SLC9A1: variants seen among roughly 807,000 people sequenced by gnomAD.
The protein encoded by SLC9A1 is solute carrier family 9 member A1, also known as sodium/hydrogen exchanger 1.
Under a neutral mutation model 67.9 loss-of-function variants are expected in SLC9A1, and 22 were observed. The ratio of observed to expected loss-of-function variants is 0.32; its 90% CI spans 0.23 to 0.46. SLC9A1 has a LOEUF of 0.46. SLC9A1 is among the 20% of genes least tolerant of loss of function. The pLI is 1.00. For missense variants in SLC9A1, 686 were observed against 1,094.8 expected, an observed-to-expected ratio of 0.63 and a Z score of 5.27; for synonymous variants, 421 against 471.8, an observed-to-expected ratio of 0.89 and a Z score of 1.40.
rs201465957 is a variant in SLC9A1, at chr1:27,147,706, C to CAG, written c.352+6276_352+6277insCT. The stretch of plus-strand genomic sequence containing the variant: ...AGTATCTATATTATCAATTAGAAAA[C>CAG]GGGCTCAGGCCAGGAGCAGTGGCTT... On this transcript the variant is annotated intron_variant, in intron 1 of 11. Coordinates refer to ENST00000263980, the MANE Select transcript of SLC9A1 (RefSeq NM_003047.5). Among the ~76,000 whole-genome samples, 687 of 152,180 alleles carry CAG rather than the reference C, an allele frequency of 4.5e-3. 5 individuals carry two copies. Among genetic ancestry groups the CAG allele is most frequent in the African/African-American group, 0.016 (652 of 41,520 alleles).
In SLC9A1 at chr1:27,107,784, G is replaced by A. The variant is rs1435769562; in HGVS notation, c.1146C>T (p.Phe382=). 1.2e-6 allele frequency: 2 copies of A among 1,608,908 alleles called. No individual in the cohort carries two copies. The change falls in exon 4 of 12, where the codon TTC becomes TTT. Residue 382 remains phenylalanine, a synonymous_variant. Coordinates refer to ENST00000263980, the MANE Select transcript of SLC9A1 (RefSeq NM_003047.5). ...CGCTGACGCTGCTCCACATCTTCAGGAAGTATTTGATGGTGGTGTGGGACT... is the reference window on the plus strand; with the variant it reads ...CGCTGACGCTGCTCCACATCTTCAGAAAGTATTTGATGGTGGTGTGGGACT... ...SHKSHTTIKY[F]LKMWSSVSET...
At chr1:27,104,476 C>A (rs542375213) in intron 5 of SLC9A1, among the ~76,000 whole-genome samples, 1 of 152,198 alleles carries the variant, frequency 6.6e-6, no homozygotes, top group African/African-American at 2.4e-5. Flanking sequence ...CTGCCTCAAT[C>A]TCCTGGGCTC....
In SLC9A1 at chr1:27,148,885, C is replaced by T. The variant is rs374596336; in HGVS notation, c.352+5098G>A. On this transcript the variant is annotated intron_variant, in intron 1 of 11. Transcript: ENST00000263980. ...CGGGAGGTCATAAGGTCAGCCACCC[C>T]TTGTGGCTAAAGGAGACCACCCTTT... is the stretch of plus-strand genomic sequence containing the variant. Among the ~76,000 whole-genome samples the T allele has an allele frequency of 5.5e-4, 84 of 152,288 alleles. 1 individual carries two copies. Among genetic ancestry groups the T allele is most frequent in the Middle Eastern group, 3.4e-3 (1 of 294 alleles).
chr1:27,115,449 C>G (rs766471811), intron 1 of SLC9A1, among the ~76,000 whole-genome samples: 6 of 152,074 alleles, frequency 3.9e-5, no homozygotes, highest in Non-Finnish European at 8.8e-5. Flanking sequence ...ATCTGAGCAT[C>G]TAGTTGTATG....
chr1:27,129,774 A>G (rs552162915), intron 1 of SLC9A1, among the ~76,000 whole-genome samples: 1 of 151,242 alleles, frequency 6.6e-6, no homozygotes, highest in East Asian at 1.9e-4. Context: ...CCCCCATTCC[A>G]CTCCCACTTC....
At chr1:27,140,481 C>T (rs2083446953) in intron 1 of SLC9A1, among the ~76,000 whole-genome samples, 1 of 152,132 alleles carries the variant, frequency 6.6e-6, no homozygotes, top group South Asian at 2.1e-4. Context: ...CCCACCCTCA[C>T]CTCTTCCTTT....
In SLC9A1 at chr1:27,114,252, G is replaced by A; in HGVS notation, c.387C>T (p.Val129=). The A allele has an allele frequency of 6.2e-7, 1 of 1,613,528 alleles. No individual in the cohort carries two copies. Among genetic ancestry groups the A allele is most frequent in the Non-Finnish European group, 8.5e-7 (1 of 1,179,486 alleles). Residue 129 remains valine, a synonymous_variant, in exon 2 of 12, where the codon GTC becomes GTT. Transcript: ENST00000263980. This position sits in a 1 kb window ranked among gnomAD's most constrained non-coding sequence, Gnocchi z 5.4. ...CCACGATCAGCAGGCAGCTCTCCGGGACGATGCTTGAGATAGTGGGGATCA... is the reference window on the plus strand; with the variant it reads ...CCACGATCAGCAGGCAGCTCTCCGGAACGATGCTTGAGATAGTGGGGATCA... ...FHVIPTISSI[V]PESCLLIVVG... is the part of the protein sequence containing the mutation.
intron 1 of SLC9A1, among the ~76,000 whole-genome samples, chr1:27,138,386 G>T (rs1215677180): frequency 2.0e-5 from 3 of 151,410 alleles, no homozygotes; most frequent in African/African-American, 7.4e-5. Context: ...GCCTTCTTCA[G>T]GACACTTACC....
intron 1 of SLC9A1, among the ~76,000 whole-genome samples, chr1:27,123,761 T>C (rs2083321161): frequency 6.6e-6 from 1 of 152,170 alleles, no homozygotes; most frequent in African/African-American, 2.4e-5. Flanking sequence ...TCCACCTGCC[T>C]TGGCGTCCCA....
At chr1:27,121,289 C>T (rs1175516954) in intron 1 of SLC9A1, among the ~76,000 whole-genome samples, 1 of 152,148 alleles carries the variant, frequency 6.6e-6, no homozygotes, top group Admixed American at 6.5e-5. Flanking sequence ...TGTCAGAAAA[C>T]ACAAGCAGCA....
At chr1:27,150,370 C>T (rs989658084) in intron 1 of SLC9A1, among the ~76,000 whole-genome samples, 2 of 152,196 alleles carry the variant, frequency 1.3e-5, no homozygotes, top group African/African-American at 2.4e-5. Flanking sequence ...TATGGGCTCC[C>T]GGGCCTCTGC....
At chr1:27,120,554 A>G (rs2083298275) in intron 1 of SLC9A1, among the ~76,000 whole-genome samples, 1 of 151,566 alleles carries the variant, frequency 6.6e-6, no homozygotes, top group Non-Finnish European at 1.5e-5. Flanking sequence ...AGTGACCAAC[A>G]TGGCGAAACC....
Position 27,154,752 on chromosome 1 carries a change from G to A in SLC9A1, c.-418C>T. 6.3e-6 allele frequency: 1 copy of A among 159,356 alleles called. No homozygotes were observed. Among genetic ancestry groups the A allele is most frequent in the East Asian group, 1.8e-4 (1 of 5,490 alleles). The allele number at this position is 159,356 out of a possible 1,614,324, so 9.9% of individuals were successfully genotyped here. Reference sequence around the variant, plus strand: ...GACTCTGGGCTGTGGGCTAAAGGAAGGGGTAGGGAGCCTGAGCTAAAGGAA... The same window carrying A: ...GACTCTGGGCTGTGGGCTAAAGGAAAGGGTAGGGAGCCTGAGCTAAAGGAA... On this transcript the variant is annotated 5_prime_UTR_variant, in exon 1 of 12. Transcript: ENST00000263980.
At chr1:27,127,586 T>C (rs986745896) in intron 1 of SLC9A1, among the ~76,000 whole-genome samples, 2 of 152,126 alleles carry the variant, frequency 1.3e-5, no homozygotes, top group South Asian at 2.1e-4. Context: ...CCAATCACCC[T>C]GCTGAGCCAG....
chr1:27,127,595 A>T (rs1255435447), intron 1 of SLC9A1, among the ~76,000 whole-genome samples: 1 of 152,198 alleles, frequency 6.6e-6, no homozygotes, highest in Non-Finnish European at 1.5e-5. Context: ...CTGCTGAGCC[A>T]GGCAGAGCCA....
intron 6 of SLC9A1, 80 bp from the exon 7 acceptor site, chr1:27,102,823 C>T: frequency 8.0e-7 from 1 of 1,249,724 alleles, no homozygotes; most frequent in Non-Finnish European, 1.2e-6. Flanking sequence ...CCCACTCCCT[C>T]CCGTAGCTGC....
At chr1:27,151,591 G>A (rs1377611444) in intron 1 of SLC9A1, among the ~76,000 whole-genome samples, 1 of 152,064 alleles carries the variant, frequency 6.6e-6, no homozygotes, top group East Asian at 1.9e-4. Context: ...CAAAACTCCT[G>A]ACTTCAGGCG....
intron 1 of SLC9A1, among the ~76,000 whole-genome samples, chr1:27,134,695 T>G (rs1024680563): frequency 6.6e-6 from 1 of 152,152 alleles, no homozygotes; most frequent in African/African-American, 2.4e-5. Context: ...TTTCAAAAGA[T>G]CCGATTTAAT....
intron 1 of SLC9A1, among the ~76,000 whole-genome samples, chr1:27,153,770 C>T (rs903481745): frequency 5.3e-5 from 8 of 152,210 alleles, no homozygotes; most frequent in Non-Finnish European, 1.5e-5. Flanking sequence ...CTCTTCTGTG[C>T]ACAGTGCTGG....
Sources: gnomAD v4.1 joint callset for allele counts (sites outside exome capture counted in the v4.1 genomes callset) on GRCh38, gnomAD v4.1.1 for gene constraint, Gnocchi (gnomAD v3.1) non-coding constraint, MANE v1.5 for transcripts, NCBI Gene and HGNC (gene_info 2026-07-23, HGNC 2026-07-21) for gene names.